The following PLCZ1 variants were observed in gnomAD, a reference collection of about 807,000 sequenced individuals.
PLCZ1 encodes 1-phosphatidylinositol 4,5-bisphosphate phosphodiesterase zeta-1.
PLCZ1 carries 64 observed loss-of-function variants against 76.8 expected under a neutral mutation model. The observed-to-expected ratio is 0.83, with a 90% CI of 0.68 to 1.03. The LOEUF (loss-of-function observed/expected upper bound fraction) is 1.03. Ranked by LOEUF, PLCZ1 falls within the 50% of genes least tolerant of loss-of-function variation. The pLI, the probability that PLCZ1 is intolerant of heterozygous loss-of-function variation, is 0.00. For missense variants in PLCZ1, 751 were observed against 713.7 expected, an observed-to-expected ratio of 1.05 and a Z score of -0.60; for synonymous variants, 248 against 230.8, an observed-to-expected ratio of 1.07 and a Z score of -0.68.
At chr12:18,685,315 A>T (rs370739369) in intron 13 of PLCZ1, among the ~76,000 whole-genome samples, 1 of 152,058 alleles carries the variant, frequency 6.6e-6, no homozygotes, top group African/African-American at 2.4e-5. Flanking sequence ...GTATGACCCA[A>T]ATCATCCAAA....
At chr12:18,723,597 T>G in intron 3 of PLCZ1, 55 bp from the exon 4 acceptor site, 10 of 1,292,614 alleles carry the variant, frequency 7.7e-6, no homozygotes, top group Middle Eastern at 2.0e-4. Flanking sequence ...ATACATAAAA[T>G]GAATATTAGA....
At chr12:18,716,667 C>A (rs1355641105) in intron 5 of PLCZ1, among the ~76,000 whole-genome samples, 1 of 152,146 alleles carries the variant, frequency 6.6e-6, no homozygotes, top group Admixed American at 6.5e-5. Context: ...AGAATTTGTA[C>A]AGAACTTTGT....
At chr12:18,721,745 A>G (rs991410487) in intron 4 of PLCZ1, among the ~76,000 whole-genome samples, 3 of 151,542 alleles carry the variant, frequency 2.0e-5, no homozygotes, top group African/African-American at 7.3e-5. Context: ...ATCTGAACTC[A>G]TCAGTTCTGC....
the PLCZ1 span, among the ~76,000 whole-genome samples, chr12:18,650,349 G>T: frequency 1.1e-4 from 10 of 92,122 alleles, 1 homozygote; most frequent in African/African-American, 5.0e-4. Flanking sequence ...ATATATATAT[G>T]TGTGTGTGTG....
chr12:18,651,403 C>T, the PLCZ1 span, among the ~76,000 whole-genome samples: 81 of 152,230 alleles, frequency 5.3e-4, 1 homozygote, highest in South Asian at 0.016. Flanking sequence ...ATCTTATGCA[C>T]TTATCATCTT....
chr12:18,730,017 C>CATACATAATGA (rs1242948301), intron 3 of PLCZ1, among the ~76,000 whole-genome samples: 1 of 152,068 alleles, frequency 6.6e-6, no homozygotes, highest in Non-Finnish European at 1.5e-5. Context: ...TAGGTATATT[C>CATACATAATGA]ATACATAATA....
chr12:18,669,663 C>CT, the PLCZ1 span, among the ~76,000 whole-genome samples: 1 of 148,550 alleles, frequency 6.7e-6, no homozygotes, highest in Non-Finnish European at 1.5e-5. Flanking sequence ...GTCTCTTCCT[C>CT]TCTTTTTTTT....
chr12:18,681,948 G>T, downstream of PLCZ1, among the ~76,000 whole-genome samples: 1 of 152,088 alleles, frequency 6.6e-6, no homozygotes, highest in Admixed American at 6.6e-5. Flanking sequence ...TTAGGGAAGG[G>T]TAAAGCGTTG....
chr12:18,650,175 G>A, the PLCZ1 span, among the ~76,000 whole-genome samples: 1 of 151,664 alleles, frequency 6.6e-6, no homozygotes, highest in Non-Finnish European at 1.5e-5. Flanking sequence ...CAGGGATCAG[G>A]GAAAATATTA....
intron 6 of PLCZ1, among the ~76,000 whole-genome samples, chr12:18,705,852 C>T (rs1300184569): frequency 1.3e-5 from 2 of 148,508 alleles, no homozygotes; most frequent in African/African-American, 4.9e-5. Flanking sequence ...GGTGACAGAG[C>T]AAGACTCCAT....
chr12:18,727,677 T>C (rs867245208), intron 3 of PLCZ1, among the ~76,000 whole-genome samples: 8 of 152,160 alleles, frequency 5.3e-5, no homozygotes, highest in Non-Finnish European at 1.0e-4. Flanking sequence ...GTGAGAAATT[T>C]AGACTTCTTT....
intron 3 of PLCZ1, among the ~76,000 whole-genome samples, chr12:18,733,000 CA>C (rs1259394824): frequency 1.3e-5 from 2 of 152,094 alleles, no homozygotes; most frequent in African/African-American, 4.8e-5. Flanking sequence ...GATTATATGG[CA>C]GTTCTATTTT....
At chr12:18,670,291 T>TGC in the PLCZ1 span, among the ~76,000 whole-genome samples, 1 of 151,404 alleles carries the variant, frequency 6.6e-6, no homozygotes, top group African/African-American at 2.4e-5. Context: ...TACACACATA[T>TGC]GCGCACACAC....
At chr12:18,648,547 A>T in the PLCZ1 span, 1 of 168,448 alleles carries the variant, frequency 5.9e-6, no homozygotes, top group Non-Finnish European at 1.3e-5. Context: ...AGAAAACCAA[A>T]ACATAAATCC....
rs140208258 is a variant in PLCZ1, at chr12:18,715,192, G to GGA, written c.570-2208_570-2207dup. ...GTGGGGGGGGGGGGGGCGGAGGGAG[G>GGA]GAGAGAGAGAGAGAGAGAGAGAGAG... On this transcript the variant is annotated intron_variant, in intron 5 of 14. Transcript: ENST00000266505. Among the ~76,000 whole-genome samples the GGA allele has an allele frequency of 5.0e-3, 45 of 8,940 alleles. 7 individuals carry two copies. The highest frequency in any genetic ancestry group is 0.013 in the African/African-American group (40 of 3,050). The allele number at this position is 8,940 out of a possible 152,430, so 5.9% of individuals were successfully genotyped here. A position where few individuals can be genotyped will look rare whatever the true frequency, so the allele number is the denominator to read the frequency against.
intron 7 of PLCZ1, among the ~76,000 whole-genome samples, chr12:18,704,923 A>G (rs896170999): frequency 6.6e-6 from 1 of 152,126 alleles, no homozygotes; most frequent in Non-Finnish European, 1.5e-5. Flanking sequence ...TTGTGGACCC[A>G]TGGGGTAGGA....
chr12:18,668,439 A>G, the PLCZ1 span, among the ~76,000 whole-genome samples: 1 of 152,166 alleles, frequency 6.6e-6, no homozygotes, highest in African/African-American at 2.4e-5. Flanking sequence ...ATGGAACCCA[A>G]CCTACACACA....
chr12:18,732,608 T>C (rs1959118076), intron 3 of PLCZ1, among the ~76,000 whole-genome samples: 2 of 152,226 alleles, frequency 1.3e-5, no homozygotes, highest in African/African-American at 4.8e-5. Flanking sequence ...CTATACCCTT[T>C]GACTAACACT....
chr12:18,666,346 G>A, the PLCZ1 span, among the ~76,000 whole-genome samples: 1 of 151,914 alleles, frequency 6.6e-6, no homozygotes, highest in East Asian at 1.9e-4. Context: ...CTGTCTACAA[G>A]ACACTCCTTA....
Sources: allele counts gnomAD v4.1 joint callset (sites outside exome capture counted in the v4.1 genomes callset), GRCh38; gene constraint gnomAD v4.1.1; transcripts MANE v1.5; gene names NCBI Gene and HGNC (gene_info 2026-07-23, HGNC 2026-07-21).